The following CDH18 variants were observed in gnomAD, a reference collection of about 807,000 sequenced individuals.
CDH18 encodes cadherin-18.
In CDH18, 31 loss-of-function variants were observed where a neutral mutation model predicts 67.9. The observed-to-expected ratio is 0.46, with a 90% CI of 0.34 to 0.62. The LOEUF (loss-of-function observed/expected upper bound fraction) is 0.62, where lower values mean the gene tolerates loss of function less well. CDH18 is among the 20% of genes least tolerant of loss of function. CDH18 has a pLI of 0.01. For missense variants in CDH18, 890 were observed against 975.5 expected, an observed-to-expected ratio of 0.91 and a Z score of 1.17; for synonymous variants, 362 against 347.2, an observed-to-expected ratio of 1.04 and a Z score of -0.48.
At chr5:20,295,919 T>C (rs1364195896) in intron 1 of CDH18, among the ~76,000 whole-genome samples, 2 of 141,938 alleles carry the variant, frequency 1.4e-5, no homozygotes, top group Non-Finnish European at 3.0e-5. Context: ...TCATCCAGGC[T>C]GGAGTGCAGT....
At position 19,808,832 on chromosome 5, in the gene CDH18, CAAA is replaced by C. The variant is rs1173922790; in HGVS notation, c.228+29924_228+29926del. 1.7e-4 allele frequency among the ~76,000 whole-genome samples: 9 copies of C among 53,940 alleles called. No individual in the cohort carries two copies. In the East Asian group the frequency reaches 3.9e-3, roughly 23 times the overall value. The allele number at this position is 53,940 out of a possible 152,430, so 35.4% of individuals were successfully genotyped here. A position where few individuals can be genotyped will look rare whatever the true frequency, so the allele number is the denominator to read the frequency against. The stretch of plus-strand genomic sequence containing the variant: ...GGGTGACAAGAGCGAAACTCTGTCT[CAAA>C]AAAAAAAAAAAAAAAAAAAAGGAAA... On this transcript the variant is annotated intron_variant, in intron 3 of 12. Coordinates refer to ENST00000382275, the MANE Select transcript of CDH18 (RefSeq NM_004934.5).
rs149863064 is a variant in CDH18, at chr5:19,511,548, G to C, written c.1513-8439C>G. On this transcript the variant is annotated intron_variant, in intron 10 of 12. Coordinates refer to ENST00000382275, the MANE Select transcript of CDH18 (RefSeq NM_004934.5). Reference sequence around the variant, plus strand: ...TAAAATGAAGTCCAGGCTGAGGACGGAGATGAGGAACCTGTTGCAAACCAG... The same window carrying C: ...TAAAATGAAGTCCAGGCTGAGGACGCAGATGAGGAACCTGTTGCAAACCAG... 4.9e-3 allele frequency among the ~76,000 whole-genome samples: 743 copies of C among 152,242 alleles called. 3 individuals are homozygous for C. Among genetic ancestry groups the C allele is most frequent in the African/African-American group, 0.017 (693 of 41,566 alleles).
intron 9 of CDH18, among the ~76,000 whole-genome samples, chr5:19,541,232 A>G (rs560323476): frequency 6.6e-6 from 1 of 152,258 alleles, no homozygotes; most frequent in African/African-American, 2.4e-5. Context: ...TATTGTTTAT[A>G]TCACTATAAG....
At position 19,979,601 on chromosome 5, in the gene CDH18, G is replaced by A. The variant is rs139092657; in HGVS notation, c.-257+1459C>T. 5.9e-5 allele frequency among the ~76,000 whole-genome samples: 9 copies of A among 152,168 alleles called. No homozygotes were observed. The East Asian group carries it at 9.7e-4, about 16-fold the overall frequency. On this transcript the variant is annotated intron_variant, in intron 2 of 12. Transcript: ENST00000382275. ...AGGAAACAACATTTTAAAAGAATTA[G>A]TACTAAATGAGAGTTTATGCTGCTA...
At chr5:20,436,942 T>G (rs555196767) in intron 1 of CDH18, among the ~76,000 whole-genome samples, 1 of 151,792 alleles carries the variant, frequency 6.6e-6, no homozygotes, top group East Asian at 1.9e-4. Context: ...CAGTGAATTC[T>G]AATGCAATGA....
intron 1 of CDH18, among the ~76,000 whole-genome samples, chr5:20,555,592 A>G (rs1452654582): frequency 2.0e-5 from 3 of 151,724 alleles, no homozygotes; most frequent in Non-Finnish European, 2.9e-5. Flanking sequence ...TTACAGGCAC[A>G]TGCCACCACA....
chr5:20,271,601 TAC>T (rs1196511976), intron 1 of CDH18, among the ~76,000 whole-genome samples: 9 of 151,750 alleles, frequency 5.9e-5, no homozygotes, highest in Non-Finnish European at 1.2e-4. Context: ...AGAAAGAAGA[TAC>T]AACAATGATA....
intron 1 of CDH18, among the ~76,000 whole-genome samples, chr5:20,325,871 A>G (rs73056763): frequency 0.11 from 16,811 of 152,128 alleles, 1,543 homozygotes; most frequent in East Asian, 0.37. Context: ...GGCCTATATT[A>G]TAATAGGACT....
rs115989708 is a variant in CDH18, at chr5:20,414,503, T to A, written c.-579-158998A>T. Among the ~76,000 whole-genome samples the A allele has an allele frequency of 2.2e-3, 333 of 152,288 alleles. 1 individual carries two copies. Among genetic ancestry groups the A allele is most frequent in the African/African-American group, 7.3e-3 (304 of 41,560 alleles). ...AGGAAAAGGGTTGAAAAACTTCCTA[T>A]TATTATGTTCACTCTCTCACTCTTT... On this transcript the variant is annotated intron_variant, in intron 1 of 14. Coordinates refer to the CDH18 transcript ENST00000507958.
chr5:19,598,545 C>A (rs1397577245), intron 6 of CDH18, among the ~76,000 whole-genome samples: 1 of 151,994 alleles, frequency 6.6e-6, no homozygotes, highest in Non-Finnish European at 1.5e-5. Flanking sequence ...GAAGGTTAAA[C>A]TTCATGTAAC....
intron 1 of CDH18, among the ~76,000 whole-genome samples, chr5:20,537,661 T>C (rs1430859167): frequency 6.6e-6 from 1 of 152,058 alleles, no homozygotes; most frequent in East Asian, 1.9e-4. Flanking sequence ...GTCTTACTAT[T>C]CAAACACTGA....
At chr5:20,140,660 A>G (rs1404236060) in intron 2 of CDH18, among the ~76,000 whole-genome samples, 1 of 152,078 alleles carries the variant, frequency 6.6e-6, no homozygotes, top group African/African-American at 2.4e-5. Flanking sequence ...AGATTTGGGA[A>G]TAATGTTGTT....
At chr5:19,540,856 C>A (rs1467001933) in intron 9 of CDH18, among the ~76,000 whole-genome samples, 1 of 152,162 alleles carries the variant, frequency 6.6e-6, no homozygotes, top group Non-Finnish European at 1.5e-5. Context: ...CTGTGAAGGT[C>A]TCTGACATGC....
In CDH18 at chr5:20,222,322, C is replaced by T. The variant is rs114415741; in HGVS notation, c.-518+33122G>A. 5.6e-3 allele frequency among the ~76,000 whole-genome samples: 859 copies of T among 152,230 alleles called. 9 individuals carry two copies. Among genetic ancestry groups the T allele is most frequent in the African/African-American group, 0.02 (822 of 41,532 alleles). ...TAATATATCATTATATCTGCATTAG[C>T]TCATTTAATCCTCATGGTATCTCTG... On this transcript the variant is annotated intron_variant, in intron 2 of 14. Transcript: ENST00000507958.
chr5:20,241,857 A>AG (rs1742931595), intron 2 of CDH18, among the ~76,000 whole-genome samples: 1 of 66,384 alleles, frequency 1.5e-5, no homozygotes, highest in African/African-American at 1.1e-4. Flanking sequence ...GTCGCAAAAA[A>AG]AAAAAAAATA....
At chr5:19,663,764 T>G (rs1027636348) in intron 5 of CDH18, among the ~76,000 whole-genome samples, 4 of 151,968 alleles carry the variant, frequency 2.6e-5, no homozygotes, top group African/African-American at 9.7e-5. Flanking sequence ...TTAAATAAAT[T>G]TATTAATATT....
chr5:19,900,852 T>C (rs1369179592), intron 2 of CDH18, among the ~76,000 whole-genome samples: 2 of 152,160 alleles, frequency 1.3e-5, no homozygotes, highest in African/African-American at 4.8e-5. Flanking sequence ...ATCTGCCTTT[T>C]TATCCTCTTT....
chr5:20,340,347 C>T lies in CDH18; in HGVS notation c.-579-84842G>A, dbSNP rs566901954. On this transcript the variant is annotated intron_variant, in intron 1 of 14. Coordinates refer to the CDH18 transcript ENST00000507958. ...GCCACCTCGTCTTTTACAACAGGCA[C>T]GAGGAGGAGGCTCAGGAGAAAGAGG... Among the ~76,000 whole-genome samples the T allele has an allele frequency of 1.1e-4, 17 of 152,154 alleles. No individual in the cohort carries two copies. The East Asian group carries it at 1.5e-3, about 14-fold the overall frequency.
chr5:20,194,612 A>G (rs1177160857), intron 2 of CDH18, among the ~76,000 whole-genome samples: 2 of 151,938 alleles, frequency 1.3e-5, no homozygotes, highest in Non-Finnish European at 2.9e-5. Context: ...ATATATGTAG[A>G]TTTTCCACTT....
Sources: allele counts gnomAD v4.1 joint callset (sites outside exome capture counted in the v4.1 genomes callset), GRCh38; gene constraint gnomAD v4.1.1; transcripts MANE v1.5; gene names NCBI Gene and HGNC (gene_info 2026-07-23, HGNC 2026-07-21).